PLXNA4: variants seen among roughly 807,000 people sequenced by gnomAD.
PLXNA4 encodes the protein plexin A4, also known as plexin-A4.
In PLXNA4, 44 loss-of-function variants were observed where a neutral mutation model predicts 191.8. The observed-to-expected ratio is 0.23, with a 90% confidence interval of 0.18 to 0.29. The LOEUF (loss-of-function observed/expected upper bound fraction) is 0.29, where lower values mean the gene tolerates loss of function less well. PLXNA4 is among the 10% of genes least tolerant of loss of function. The pLI, the probability that PLXNA4 is intolerant of heterozygous loss-of-function variation, is 1.00. For missense variants in PLXNA4, 1,800 were observed against 2,488.8 expected, an observed-to-expected ratio of 0.72 and a Z score of 5.89; for synonymous variants, 1,082 against 1,009.5, an observed-to-expected ratio of 1.07 and a Z score of -1.36.
chr7:132,536,422 C>T (rs1338841987), intron 1 of PLXNA4, among the ~76,000 whole-genome samples: 1 of 152,234 alleles, frequency 6.6e-6, no homozygotes, highest in African/African-American at 2.4e-5. Flanking sequence ...TCCACCTCTG[C>T]ATGCACCCCA....
At chr7:132,454,316 C>T (rs1485619809) in intron 3 of PLXNA4, among the ~76,000 whole-genome samples, 1 of 152,206 alleles carries the variant, frequency 6.6e-6, no homozygotes, top group Admixed American at 6.5e-5. Flanking sequence ...GTTCCTGCTT[C>T]TGCATTGCCT....
At chr7:132,571,681 A>T (rs1464640148) in intron 1 of PLXNA4, among the ~76,000 whole-genome samples, 1 of 152,166 alleles carries the variant, frequency 6.6e-6, no homozygotes, top group Admixed American at 6.6e-5. Flanking sequence ...ATGGGAATAA[A>T]CAATACCTAC....
intron 3 of PLXNA4, among the ~76,000 whole-genome samples, chr7:132,325,027 C>T (rs1241716013): frequency 6.6e-6 from 1 of 152,194 alleles, no homozygotes; most frequent in African/African-American, 2.4e-5. Flanking sequence ...GGCTGACAAA[C>T]TTTCACAACA....
At chr7:132,351,488 A>G (rs56676764) in intron 3 of PLXNA4, among the ~76,000 whole-genome samples, 16,981 of 152,194 alleles carry the variant, frequency 0.11, 2,071 homozygotes, top group African/African-American at 0.31. Flanking sequence ...TCTCTAGCAG[A>G]GGGTGTGTGA....
chr7:132,481,135 T>C (rs1797318360), intron 3 of PLXNA4, among the ~76,000 whole-genome samples: 1 of 152,056 alleles, frequency 6.6e-6, no homozygotes, highest in Non-Finnish European at 1.5e-5. Flanking sequence ...CTAGGATCCA[T>C]CCAAACTGAT....
At chr7:132,425,093 G>A (rs28568670) in intron 3 of PLXNA4, among the ~76,000 whole-genome samples, 15 of 152,250 alleles carry the variant, frequency 9.9e-5, no homozygotes, top group African/African-American at 3.6e-4. Context: ...TGGACCCTCC[G>A]CACTGCCAAG....
intron 6 of PLXNA4, 102 bp downstream of exon 6, chr7:132,228,244 T>C (rs1017776978): frequency 1.3e-6 from 2 of 1,509,684 alleles, no homozygotes; most frequent in Admixed American, 3.7e-5. Context: ...CTGGCCGGGC[T>C]TGGCCCAGTC....
At chr7:132,500,666 G>T (rs1317081370) in intron 2 of PLXNA4, among the ~76,000 whole-genome samples, 1 of 152,114 alleles carries the variant, frequency 6.6e-6, no homozygotes, top group Non-Finnish European at 1.5e-5. Context: ...GTCCCCTTGG[G>T]TGGTTATTAT....
chr7:132,428,221 G>T (rs1336406837), intron 3 of PLXNA4, among the ~76,000 whole-genome samples: 1 of 152,098 alleles, frequency 6.6e-6, no homozygotes, highest in Non-Finnish European at 1.5e-5. Flanking sequence ...CCTTTCCTGG[G>T]GCTCTGGCCC....
At chr7:132,171,971 A>C (rs989101488) in intron 21 of PLXNA4, among the ~76,000 whole-genome samples, 2 of 152,176 alleles carry the variant, frequency 1.3e-5, no homozygotes, top group Non-Finnish European at 2.9e-5. Flanking sequence ...ACTGCTTTCC[A>C]GGGATCCCTT....
chr7:132,298,269 GC>G (rs1563019969), intron 3 of PLXNA4, 47 bp from the exon 4 acceptor site: 2 of 1,569,052 alleles, frequency 1.3e-6, no homozygotes, highest in Non-Finnish European at 1.7e-6. Context: ...ATCCTGCACT[GC>G]CCACAGCCAA....
At chr7:132,469,663 A>G (rs1452526149) in intron 3 of PLXNA4, among the ~76,000 whole-genome samples, 1 of 152,218 alleles carries the variant, frequency 6.6e-6, no homozygotes, top group African/African-American at 2.4e-5. Context: ...CTTCATTCCA[A>G]TATACCTCTG....
At position 132,330,282 on chromosome 7, in the gene PLXNA4, G is replaced by A. The variant is rs190772251; in HGVS notation, c.1372-32060C>T. Among the ~76,000 whole-genome samples the A allele has an allele frequency of 2.0e-3, 308 of 152,268 alleles. 1 individual carries two copies. The highest frequency in any genetic ancestry group is 3.2e-3 in the Non-Finnish European group (218 of 68,020). ...GGTGAAGCTGGAGGGAGAGTCCCTC[G>A]CAGTGCTGGCCACCTTACATCAGGA... On this transcript the variant is annotated intron_variant, in intron 3 of 31. Coordinates refer to ENST00000321063, the MANE Select transcript of PLXNA4 (RefSeq NM_020911.2).
chr7:132,465,774 G>T (rs1796677925), intron 3 of PLXNA4, among the ~76,000 whole-genome samples: 1 of 152,178 alleles, frequency 6.6e-6, no homozygotes, highest in African/African-American at 2.4e-5. Flanking sequence ...AGCAGGTTTG[G>T]TGGGAAGGAA....
At chr7:132,286,866 G>A (rs1294567038) in intron 4 of PLXNA4, among the ~76,000 whole-genome samples, 2 of 152,184 alleles carry the variant, frequency 1.3e-5, no homozygotes, top group Non-Finnish European at 2.9e-5. Context: ...CCATCCCCTG[G>A]AAGGCAGTGC....
intron 4 of PLXNA4, among the ~76,000 whole-genome samples, chr7:132,263,905 C>T (rs1461585159): frequency 1.3e-5 from 2 of 152,196 alleles, no homozygotes; most frequent in Non-Finnish European, 2.9e-5. Context: ...TTTGCTACCA[C>T]TGTACCGTTA....
intron 12 of PLXNA4, 47 bp from the exon 13 acceptor site, chr7:132,198,683 A>AT (rs749450387): frequency 6.2e-7 from 1 of 1,602,786 alleles, no homozygotes; most frequent in East Asian, 2.2e-5. Context: ...AGATACTGCC[A>AT]CTCACTTGCT....
At chr7:132,625,031 T>C (rs1053250956) in intron 2 of PLXNA4, among the ~76,000 whole-genome samples, 1 of 152,036 alleles carries the variant, frequency 6.6e-6, no homozygotes, top group Non-Finnish European at 1.5e-5. Context: ...CCCACAGGAC[T>C]CTGAGCCCCC....
chr7:132,188,708 A>C (rs59095392), intron 14 of PLXNA4, among the ~76,000 whole-genome samples: 1,542 of 152,086 alleles, frequency 0.01, 21 homozygotes, highest in African/African-American at 0.035. Context: ...TTTTGGCTCA[A>C]CCAGAGACCA....
Sources: allele counts gnomAD v4.1 joint callset (sites outside exome capture counted in the v4.1 genomes callset), GRCh38; gene constraint gnomAD v4.1.1; transcripts MANE v1.5; gene names NCBI Gene and HGNC (gene_info 2026-07-23, HGNC 2026-07-21).